Variants in MAP4K5 observed in about 807,000 individuals in gnomAD.
MAP4K5 encodes the protein MAPK/ERK kinase kinase kinase 5.
In MAP4K5, 82 loss-of-function variants were observed where a neutral mutation model predicts 135.6. The ratio of observed to expected loss-of-function variants is 0.60; its 90% CI spans 0.51 to 0.73. MAP4K5 has a LOEUF of 0.73. Among genes scored for constraint, MAP4K5 ranks in the 30% least tolerant of loss-of-function variants. The pLI, the probability that MAP4K5 is intolerant of heterozygous loss-of-function variation, is 0.00. For synonymous variants in MAP4K5, 347 were observed against 335.0 expected (o/e 1.04, Z -0.39); for missense variants, 907 against 1,010.9 (o/e 0.90, Z 1.39).
At chr14:50,549,019 G>A (rs1217847455) in intron 1 of MAP4K5, among the ~76,000 whole-genome samples, 2 of 152,158 alleles carry the variant, frequency 1.3e-5, no homozygotes, top group Non-Finnish European at 2.9e-5. Flanking sequence ...CTGCAGAAAT[G>A]GCATGCCTGT....
At position 50,457,775 on chromosome 14, in the gene MAP4K5, T is replaced by C. The variant is rs143284774; in HGVS notation, c.937-1181A>G. Among the ~76,000 whole-genome samples, 39 of 152,320 alleles carry C rather than the reference T, an allele frequency of 2.6e-4. No homozygotes were observed. In the East Asian group the frequency reaches 2.9e-3, roughly 11 times the overall value. On this transcript the variant is annotated intron_variant, in intron 13 of 32. Coordinates refer to ENST00000682126, the MANE Select transcript of MAP4K5 (RefSeq NM_006575.6). ...CCATAACACTTGTTCAATGTTCCCA[T>C]TGGAATATCAAGTCCATTGATTCAT...
intron 2 of MAP4K5, among the ~76,000 whole-genome samples, chr14:50,505,326 C>A (rs1410101676): frequency 6.6e-6 from 1 of 152,024 alleles, no homozygotes; most frequent in Non-Finnish European, 1.5e-5. Flanking sequence ...GAAGATGACC[C>A]CATCATAGTC....
At chr14:50,539,716 T>G (rs1480801761) in intron 2 of MAP4K5, among the ~76,000 whole-genome samples, 1 of 152,204 alleles carries the variant, frequency 6.6e-6, no homozygotes, top group Non-Finnish European at 1.5e-5. Context: ...GGAGGAGAGC[T>G]TATACAATGA....
At chr14:50,529,555 A>G (rs1484228968) in intron 2 of MAP4K5, among the ~76,000 whole-genome samples, 2 of 152,248 alleles carry the variant, frequency 1.3e-5, no homozygotes, top group African/African-American at 4.8e-5. Context: ...TGTGGCAGGC[A>G]TAATCAGAGA....
At chr14:50,524,332 A>T (rs1393687097) in intron 2 of MAP4K5, among the ~76,000 whole-genome samples, 1 of 151,718 alleles carries the variant, frequency 6.6e-6, no homozygotes, top group African/African-American at 2.4e-5. Flanking sequence ...CCTCAACTCT[A>T]CTCTTAATGA....
intron 1 of MAP4K5, among the ~76,000 whole-genome samples, chr14:50,553,724 G>A (rs1323340699): frequency 1.3e-5 from 2 of 152,090 alleles, no homozygotes; most frequent in African/African-American, 4.8e-5. Flanking sequence ...ACCAATGAGC[G>A]GATAAAGGAA....
intron 2 of MAP4K5, among the ~76,000 whole-genome samples, chr14:50,541,359 A>G (rs1359316039): frequency 5.9e-5 from 9 of 152,222 alleles, no homozygotes; most frequent in African/African-American, 2.2e-4. Context: ...AAAAAATACC[A>G]CTAATACCAG....
At position 50,494,742 on chromosome 14, in the gene MAP4K5, T is replaced by C. The variant is rs147811002; in HGVS notation, c.167-8548A>G. Among the ~76,000 whole-genome samples, 228 of 152,128 alleles carry C rather than the reference T, an allele frequency of 1.5e-3. 1 individual carries two copies. The highest frequency in any genetic ancestry group is 5.3e-3 in the African/African-American group (221 of 41,504). The stretch of plus-strand genomic sequence containing the variant: ...TAAAGACAGATATATTAAAGACCAA[T>C]GGAATAGAACCGACAGCCCAGAAAC... On this transcript the variant is annotated intron_variant, in intron 3 of 32. Transcript: ENST00000682126.
At chr14:50,536,170 C>T (rs925464081), upstream of MAP4K5, among the ~76,000 whole-genome samples, 5 of 152,208 alleles carry the variant, frequency 3.3e-5, no homozygotes, top group Non-Finnish European at 7.3e-5. Context: ...TGAGGTCTGG[C>T]GCCATGGCCC....
At chr14:50,447,543 G>T in intron 15 of MAP4K5, 62 bp from the exon 16 acceptor site, 2 of 924,750 alleles carry the variant, frequency 2.2e-6, no homozygotes, top group South Asian at 1.6e-5. Context: ...CATTTTATTT[G>T]ATTCAAGAAA....
At chr14:50,442,666 G>A in intron 21 of MAP4K5, 66 bp downstream of exon 21, 1 of 1,113,112 alleles carries the variant, frequency 9.0e-7, no homozygotes, top group Non-Finnish European at 1.3e-6. Flanking sequence ...TCAAGTCACT[G>A]ATCATAAAGA....
chr14:50,452,754 C>T (rs1211594963), intron 14 of MAP4K5, among the ~76,000 whole-genome samples: 1 of 152,094 alleles, frequency 6.6e-6, no homozygotes, highest in African/African-American at 2.4e-5. Flanking sequence ...TCTTAAATTG[C>T]TGGAAGACTG....
intron 3 of MAP4K5, among the ~76,000 whole-genome samples, chr14:50,500,228 C>A (rs575240292): frequency 6.6e-6 from 1 of 152,208 alleles, no homozygotes; most frequent in South Asian, 2.1e-4. Flanking sequence ...GAGAGACAAA[C>A]ACAATATATA....
At chr14:50,475,904 T>C (rs1213063660) in intron 8 of MAP4K5, among the ~76,000 whole-genome samples, 2 of 152,218 alleles carry the variant, frequency 1.3e-5, no homozygotes, top group African/African-American at 4.8e-5. Flanking sequence ...CAAGTAATAT[T>C]ATGGTTAATG....
At chr14:50,492,735 C>CTG (rs1244868503) in intron 3 of MAP4K5, among the ~76,000 whole-genome samples, 1 of 152,044 alleles carries the variant, frequency 6.6e-6, no homozygotes, top group African/African-American at 2.4e-5. Flanking sequence ...GTAAAGAAAA[C>CTG]TATCAGACTC....
chr14:50,440,296 TA>T, intron 22 of MAP4K5, 65 bp downstream of exon 22: 1 of 1,100,212 alleles, frequency 9.1e-7, no homozygotes, highest in Non-Finnish European at 1.3e-6. Context: ...CAGATTGATT[TA>T]AAATTAAGAC....
Position 50,558,013 on chromosome 14 carries a change from G to T in MAP4K5, c.-180+3027C>A, listed in dbSNP as rs1313804554. 3.9e-5 allele frequency among the ~76,000 whole-genome samples: 6 copies of T among 152,294 alleles called. No homozygotes were observed. The East Asian group carries it at 1.2e-3, about 29-fold the overall frequency. ...GGGGAATTTAGGCATTAAAAAGAAT[G>T]GTGATGCATAGCACAATTTTTTTAA... On this transcript the variant is annotated intron_variant, in intron 1 of 8. Coordinates refer to the MAP4K5 transcript ENST00000555216.
chr14:50,436,697 C>T (rs4901034), intron 26 of MAP4K5, among the ~76,000 whole-genome samples: 147,298 of 152,148 alleles, frequency 0.97, 71,470 homozygotes, highest in East Asian at 1. Context: ...CTCTGGACAT[C>T]GAGGCTCGAA....
chr14:50,556,997 T>C lies in MAP4K5; in HGVS notation c.-180+4043A>G, dbSNP rs189685845. On this transcript the variant is annotated intron_variant, in intron 1 of 8. Transcript: ENST00000555216. ...TTGTGGACATATATTGTAATTTCTTTAGGGTGTATATCTAGGAGTGCTAAT... is the reference window on the plus strand; with the variant it reads ...TTGTGGACATATATTGTAATTTCTTCAGGGTGTATATCTAGGAGTGCTAAT... Among the ~76,000 whole-genome samples, 27 of 152,340 alleles carry C rather than the reference T, an allele frequency of 1.8e-4. No individual in the cohort carries two copies. In the East Asian group the frequency reaches 4.8e-3, roughly 27 times the overall value.
Sources: allele counts gnomAD v4.1 joint callset (sites outside exome capture counted in the v4.1 genomes callset), GRCh38; gene constraint gnomAD v4.1.1; transcripts MANE v1.5; gene names NCBI Gene and HGNC (gene_info 2026-07-23, HGNC 2026-07-21).